The following S100PBP variants were observed in gnomAD, a reference collection of about 807,000 sequenced individuals.
S100PBP encodes S100P binding protein.
S100PBP carries 15 observed loss-of-function variants against 39.9 expected under a neutral mutation model. The ratio of observed to expected loss-of-function variants is 0.38; its 90% confidence interval spans 0.25 to 0.58. The LOEUF (loss-of-function observed/expected upper bound fraction) is 0.58. S100PBP is among the 20% of genes least tolerant of loss of function. The pLI is 0.70. For missense variants in S100PBP, 504 were observed against 487.3 expected, an observed-to-expected ratio of 1.03 and a Z score of -0.32; for synonymous variants, 178 against 180.3, an observed-to-expected ratio of 0.99 and a Z score of 0.10.
intron 5 of S100PBP, among the ~76,000 whole-genome samples, chr1:32,831,068 A>G (rs1639576247): frequency 1.7e-5 from 2 of 117,032 alleles, no homozygotes; most frequent in Admixed American, 9.8e-5. Context: ...TGACAGAATG[A>G]GACTCTGTCT....
chr1:32,853,620 T>C (rs747331281), intron 6 of S100PBP, among the ~76,000 whole-genome samples: 2 of 152,052 alleles, frequency 1.3e-5, no homozygotes, highest in African/African-American at 2.4e-5. Context: ...GGACTGAGGC[T>C]GAGCACAGTA....
In S100PBP at chr1:32,858,057, C is replaced by G. The variant is rs955940757; in HGVS notation, c.*2019C>G. ...ATTAGGTTGATGGAGTGAGACATGC[C>G]AAACATCCACCTTTGGGACCATAGC... is the stretch of plus-strand genomic sequence containing the variant. On this transcript the variant is annotated 3_prime_UTR_variant, in exon 7 of 7. Coordinates refer to ENST00000373475, the MANE Select transcript of S100PBP (RefSeq NM_022753.4). 4 of 152,148 alleles carry G rather than the reference C, an allele frequency of 2.6e-5. No homozygotes were observed. The East Asian group carries it at 7.7e-4, about 29-fold the overall frequency. The allele number at this position is 152,148 out of a possible 1,614,324, so 9.4% of individuals were successfully genotyped here.
At chr1:32,845,098 C>T (rs891488063) in intron 5 of S100PBP, among the ~76,000 whole-genome samples, 18 of 151,866 alleles carry the variant, frequency 1.2e-4, no homozygotes, top group African/African-American at 4.1e-4. Flanking sequence ...GATCTTGGCT[C>T]ACTGCAGGCT....
intron 4 of S100PBP, 87 bp downstream of exon 4, chr1:32,828,168 G>A: frequency 1.2e-6 from 1 of 849,288 alleles, no homozygotes; most frequent in South Asian, 1.6e-5. Flanking sequence ...CTTAGTGCAG[G>A]GAAAAAAATC....
intron 5 of S100PBP, among the ~76,000 whole-genome samples, chr1:32,845,139 G>A (rs567395222): frequency 1.3e-5 from 2 of 151,222 alleles, no homozygotes; most frequent in South Asian, 2.1e-4. Flanking sequence ...ATTCTCCTGC[G>A]TCAGCCTCCT....
intron 5 of S100PBP, chr1:32,852,843 G>T (rs1640667413): frequency 4.2e-6 from 2 of 475,836 alleles, no homozygotes; most frequent in Admixed American, 7.1e-5. Flanking sequence ...CCTGTATATT[G>T]TAGGAGCTAA....
chr1:32,845,609 A>T (rs1309330022), intron 5 of S100PBP, among the ~76,000 whole-genome samples: 2 of 151,890 alleles, frequency 1.3e-5, no homozygotes, highest in East Asian at 3.9e-4. Context: ...TATTTTCTCT[A>T]AGCATTTTAA....
rs1472629481 is a variant in S100PBP at position 32,826,565 on chromosome 1, T to C, written c.466T>C (p.Cys156Arg). 6.8e-6 allele frequency: 11 copies of C among 1,613,820 alleles called. No individual in the cohort carries two copies. Among genetic ancestry groups the C allele is most frequent in the Non-Finnish European group, 9.3e-6 (11 of 1,179,990 alleles). The stretch of plus-strand genomic sequence containing the variant: ...TGTTGCACCATTTAATCCAACAGTT[T>C]GTGATGCTCTGCTTGATAAGGACGA... ...VTVAPFNPTV[C>R]DALLDKDETD... is the part of the protein sequence containing the mutation. Residue 156 changes from cysteine to arginine, a missense_variant, in exon 3 of 7, where the codon TGT becomes CGT. Coordinates refer to ENST00000373475, the MANE Select transcript of S100PBP (RefSeq NM_022753.4).
intron 5 of S100PBP, among the ~76,000 whole-genome samples, chr1:32,843,681 G>A (rs894334623): frequency 2.6e-5 from 4 of 152,072 alleles, no homozygotes; most frequent in African/African-American, 7.2e-5. Flanking sequence ...TCGAACTCCC[G>A]ACCTCAAGTG....
intron 5 of S100PBP, among the ~76,000 whole-genome samples, chr1:32,830,427 A>C (rs1639543889): frequency 6.6e-6 from 1 of 152,182 alleles, no homozygotes; most frequent in African/African-American, 2.4e-5. Flanking sequence ...TTAAAATTTG[A>C]AATGTTTTAT....
chr1:32,836,456 T>G (rs1639823325), intron 5 of S100PBP: 2 of 810,872 alleles, frequency 2.5e-6, no homozygotes, highest in South Asian at 1.1e-4. Flanking sequence ...TGTTTGTTTT[T>G]TTTTATAGTA....
chr1:32,819,753 C>G (rs1039239217), intron 1 of S100PBP, among the ~76,000 whole-genome samples: 2 of 152,060 alleles, frequency 1.3e-5, no homozygotes, highest in Non-Finnish European at 2.9e-5. Context: ...GGATTTCCCC[C>G]CTTGCACATT....
chr1:32,839,702 G>A (rs1640000128), intron 5 of S100PBP, among the ~76,000 whole-genome samples: 1 of 152,100 alleles, frequency 6.6e-6, no homozygotes, highest in South Asian at 2.1e-4. Flanking sequence ...TAGAGACGGG[G>A]TCTCACTGTG....
intron 3 of S100PBP, 75 bp from the exon 4 acceptor site, chr1:32,827,918 C>T: frequency 1.0e-6 from 1 of 999,170 alleles, no homozygotes; most frequent in Non-Finnish European, 1.6e-6. Flanking sequence ...AAAATATTTC[C>T]ATAAATAGTG....
At chr1:32,843,274 C>G (rs1640203238) in intron 5 of S100PBP, 1 of 152,042 alleles carries the variant, frequency 6.6e-6, no homozygotes, top group Non-Finnish European at 1.5e-5. Context: ...TCTGGTGCTG[C>G]CTAGAACCTC....
chr1:32,851,581 A>C (rs1137883), intron 5 of S100PBP, among the ~76,000 whole-genome samples: 1 of 151,932 alleles, frequency 6.6e-6, no homozygotes, highest in Non-Finnish European at 1.5e-5. Context: ...CAGGAGAATC[A>C]CTTGAACCCG....
chr1:32,838,205 G>T (rs1217810830), intron 5 of S100PBP, among the ~76,000 whole-genome samples: 2 of 151,864 alleles, frequency 1.3e-5, no homozygotes, highest in East Asian at 3.9e-4. Flanking sequence ...GCTGCGCGTG[G>T]CTCCTGTAGT....
chr1:32,840,211 C>A (rs936478313), intron 5 of S100PBP, among the ~76,000 whole-genome samples: 14 of 152,028 alleles, frequency 9.2e-5, no homozygotes, highest in Non-Finnish European at 2.9e-5. Flanking sequence ...GGCTTGAACT[C>A]CTGACCTCAA....
intron 4 of S100PBP, 128 bp downstream of exon 4, chr1:32,828,209 C>G (rs1639427924): frequency 3.5e-6 from 2 of 570,228 alleles, no homozygotes; most frequent in East Asian, 6.2e-5. Flanking sequence ...ACTTGAAGTT[C>G]TAGCACTACC....
Sources: gnomAD v4.1 joint callset for allele counts (sites outside exome capture counted in the v4.1 genomes callset) on GRCh38, gnomAD v4.1.1 for gene constraint, MANE v1.5 for transcripts, NCBI Gene and HGNC (gene_info 2026-07-23, HGNC 2026-07-21) for gene names.